CNTNAP5: variants seen among roughly 807,000 people sequenced by gnomAD.
CNTNAP5 encodes contactin-associated protein-like 5.
A neutral mutation model predicts 150.2 loss-of-function variants in CNTNAP5; 72 were observed. The observed-to-expected ratio is 0.48, with a 90% confidence interval of 0.40 to 0.58. The LOEUF (loss-of-function observed/expected upper bound fraction) is 0.58, where lower values mean the gene tolerates loss of function less well. Among genes scored for constraint, CNTNAP5 ranks in the 20% least tolerant of loss-of-function variants. CNTNAP5 has a pLI of 0.00. For synonymous variants in CNTNAP5, 672 were observed against 619.8 expected (o/e 1.08, Z -1.25); for missense variants, 1,636 against 1,626.2 (o/e 1.01, Z -0.10).
At chr2:124,488,410 G>A (rs1052115965) in intron 7 of CNTNAP5, among the ~76,000 whole-genome samples, 16 of 152,134 alleles carry the variant, frequency 1.1e-4, no homozygotes, top group African/African-American at 2.9e-4. Context: ...AATGAGGTTC[G>A]GTAACATTAA....
chr2:124,434,523 T>G lies in CNTNAP5; in HGVS notation c.569T>G (p.Leu190Arg). 1 of 1,613,988 alleles carries G rather than the reference T, an allele frequency of 6.2e-7. No individual in the cohort carries two copies. The highest frequency in any genetic ancestry group is 8.5e-7 in the Non-Finnish European group (1 of 1,179,830). The change falls in exon 5 of 24, where the codon CTG becomes CGG. Residue 190 changes from leucine (L) to arginine (R), a missense_variant. Transcript: ENST00000682447. The part of the protein sequence containing the change: ...VADFDGRSSL[L>R]YRFNQKLMST... The stretch of plus-strand genomic sequence containing the variant: ...GACTTTGATGGCCGAAGCTCACTTC[T>G]GTACAGGTTCAATCAGAAGTTGATG...
chr2:124,627,717 T>C (rs941287405), intron 12 of CNTNAP5, among the ~76,000 whole-genome samples: 4 of 152,126 alleles, frequency 2.6e-5, no homozygotes, highest in Admixed American at 6.5e-5. Flanking sequence ...GAAGCTGAGA[T>C]GGATGAACTG....
At chr2:124,715,565 A>G (rs1296129047) in intron 13 of CNTNAP5, among the ~76,000 whole-genome samples, 1 of 152,184 alleles carries the variant, frequency 6.6e-6, no homozygotes, top group Non-Finnish European at 1.5e-5. Context: ...CACAATGTGC[A>G]GGTTTGTTAC....
intron 1 of CNTNAP5, among the ~76,000 whole-genome samples, chr2:124,058,432 C>T (rs1028202939): frequency 1.3e-5 from 2 of 152,100 alleles, no homozygotes; most frequent in East Asian, 1.9e-4. Flanking sequence ...GTTTATCCTT[C>T]TAAGAATAGC....
intron 3 of CNTNAP5, among the ~76,000 whole-genome samples, chr2:124,375,807 C>A (rs1690634564): frequency 6.6e-6 from 1 of 152,024 alleles, no homozygotes; most frequent in Non-Finnish European, 1.5e-5. Context: ...AAAACTACAT[C>A]ATTCCAGATT....
intron 1 of CNTNAP5, among the ~76,000 whole-genome samples, chr2:124,132,569 G>T (rs920408910): frequency 6.6e-6 from 1 of 152,016 alleles, no homozygotes; most frequent in African/African-American, 2.4e-5. Context: ...TTAACAAGTG[G>T]TCATTATTGT....
intron 3 of CNTNAP5, among the ~76,000 whole-genome samples, chr2:124,256,043 G>A (rs769478110): frequency 6.6e-6 from 1 of 152,104 alleles, no homozygotes; most frequent in Non-Finnish European, 1.5e-5. Context: ...GAAACACAGG[G>A]CTTGTGCTGG....
intron 13 of CNTNAP5, among the ~76,000 whole-genome samples, chr2:124,737,415 T>C (rs749979832): frequency 1.3e-5 from 2 of 151,820 alleles, no homozygotes; most frequent in East Asian, 1.9e-4. Context: ...TGAAGACCCA[T>C]GGGAGGACGG....
At chr2:124,910,076 G>T (rs1034855252) in intron 22 of CNTNAP5, among the ~76,000 whole-genome samples, 2 of 151,434 alleles carry the variant, frequency 1.3e-5, no homozygotes, top group Admixed American at 6.6e-5. Flanking sequence ...TTTCTGCTCC[G>T]ATTTCAAGAG....
chr2:124,759,000 A>G (rs888504787), intron 14 of CNTNAP5, among the ~76,000 whole-genome samples: 7 of 152,180 alleles, frequency 4.6e-5, no homozygotes, highest in African/African-American at 7.2e-5. Context: ...GAAAACAAGA[A>G]TTACACACAC....
At chr2:124,640,891 C>G (rs1038361643) in intron 12 of CNTNAP5, among the ~76,000 whole-genome samples, 2 of 151,790 alleles carry the variant, frequency 1.3e-5, no homozygotes, top group African/African-American at 4.8e-5. Flanking sequence ...CTTTGGGAGA[C>G]CGAGGCAGGA....
rs143745304 is a variant in CNTNAP5 at position 124,230,738 on chromosome 2, G to T, written c.187+8929G>T. ...GTAGAGACAGGGTTTCACCATATTG[G>T]TCAGACTGGTGTTGAACTCCTGACC... On this transcript the variant is annotated intron_variant, in intron 2 of 23. Coordinates refer to ENST00000682447, the MANE Select transcript of CNTNAP5 (RefSeq NM_001367498.1). Among the ~76,000 whole-genome samples, 21 of 151,966 alleles carry T rather than the reference G, an allele frequency of 1.4e-4. No homozygotes were observed. In the South Asian group the frequency reaches 3.3e-3, roughly 24 times the overall value.
intron 3 of CNTNAP5, among the ~76,000 whole-genome samples, chr2:124,259,484 A>C (rs573037373): frequency 1.3e-5 from 2 of 152,278 alleles, no homozygotes; most frequent in South Asian, 4.1e-4. Flanking sequence ...ACAGTGTAAA[A>C]GTGTTCCTAT....
chr2:124,724,783 T>C (rs1444405975), intron 13 of CNTNAP5, among the ~76,000 whole-genome samples: 1 of 151,796 alleles, frequency 6.6e-6, no homozygotes. Context: ...GGAGGGAGGG[T>C]CATGGGAAGA....
chr2:124,746,825 T>A (rs1011793608), intron 13 of CNTNAP5, among the ~76,000 whole-genome samples: 2 of 152,192 alleles, frequency 1.3e-5, no homozygotes, highest in African/African-American at 4.8e-5. Context: ...CCTAACTTAC[T>A]CAATCGTGCC....
chr2:124,244,970 C>G (rs1415401038), intron 3 of CNTNAP5, among the ~76,000 whole-genome samples: 1 of 152,140 alleles, frequency 6.6e-6, no homozygotes, highest in Non-Finnish European at 1.5e-5. Flanking sequence ...AAGATTTATT[C>G]CTAAATATAG....
At chr2:124,152,001 A>G (rs1027261831) in intron 1 of CNTNAP5, among the ~76,000 whole-genome samples, 1 of 152,242 alleles carries the variant, frequency 6.6e-6, no homozygotes, top group Non-Finnish European at 1.5e-5. Flanking sequence ...ACACCCACTG[A>G]AATACATTAA....
chr2:124,130,730 T>C (rs1307470013), intron 1 of CNTNAP5, among the ~76,000 whole-genome samples: 1 of 152,082 alleles, frequency 6.6e-6, no homozygotes, highest in Admixed American at 6.6e-5. Flanking sequence ...GCTTATATAA[T>C]TTTTTATCAT....
intron 3 of CNTNAP5, among the ~76,000 whole-genome samples, chr2:124,272,829 T>C (rs1254060510): frequency 6.6e-6 from 1 of 152,176 alleles, no homozygotes; most frequent in Non-Finnish European, 1.5e-5. Context: ...TGAAAAATAA[T>C]TCAAAACATC....
Sources: allele counts gnomAD v4.1 joint callset (sites outside exome capture counted in the v4.1 genomes callset), GRCh38; gene constraint gnomAD v4.1.1; transcripts MANE v1.5; gene names NCBI Gene and HGNC (gene_info 2026-07-23, HGNC 2026-07-21).